Variants in STXBP6 observed in about 807,000 individuals in gnomAD.
The protein encoded by STXBP6 is syntaxin binding protein 6.
In STXBP6, 21 loss-of-function variants were observed where a neutral mutation model predicts 26.9. The observed-to-expected ratio is 0.78, with a 90% CI of 0.55 to 1.12. The LOEUF is 1.12. Ranked by LOEUF, STXBP6 falls within the 50% of genes most tolerant of loss-of-function variation. The pLI is 0.00. For synonymous variants in STXBP6, 97 were observed against 92.6 expected, an observed-to-expected ratio of 1.05 and a Z score of -0.27; for missense variants, 232 against 257.9, an observed-to-expected ratio of 0.90 and a Z score of 0.69.
intron 2 of STXBP6, among the ~76,000 whole-genome samples, chr14:24,870,445 TGTAATCAAGG>T (rs1237252949): frequency 6.6e-6 from 1 of 152,232 alleles, no homozygotes; most frequent in Non-Finnish European, 1.5e-5. Flanking sequence ...CTTCTGCCTA[TGTAATCAAGG>T]TAATACAGAG....
At chr14:24,833,718 G>T (rs1337419475) in intron 4 of STXBP6, among the ~76,000 whole-genome samples, 1 of 152,024 alleles carries the variant, frequency 6.6e-6, no homozygotes, top group Non-Finnish European at 1.5e-5. Flanking sequence ...AATTTGGGAG[G>T]ATTTAAAACA....
At chr14:25,003,736 C>T (rs1176533717) in intron 1 of STXBP6, among the ~76,000 whole-genome samples, 1 of 151,692 alleles carries the variant, frequency 6.6e-6, no homozygotes, top group Non-Finnish European at 1.5e-5. Context: ...CATCACTTTC[C>T]CTTCTTAAAT....
chr14:24,860,143 CT>C (rs1351134650), intron 2 of STXBP6, among the ~76,000 whole-genome samples: 1 of 152,144 alleles, frequency 6.6e-6, no homozygotes, highest in Non-Finnish European at 1.5e-5. Context: ...CTAAAGAGCT[CT>C]TTTTAAAAAT....
chr14:25,014,578 C>T (rs1225866005), intron 1 of STXBP6, among the ~76,000 whole-genome samples: 1 of 152,256 alleles, frequency 6.6e-6, no homozygotes, highest in African/African-American at 2.4e-5. Flanking sequence ...GCCTTGCACA[C>T]TCAGCTACCG....
At chr14:24,835,099 G>C (rs546277878) in intron 4 of STXBP6, among the ~76,000 whole-genome samples, 1 of 152,094 alleles carries the variant, frequency 6.6e-6, no homozygotes, top group Non-Finnish European at 1.5e-5. Context: ...GCTACTTCTG[G>C]GCTGAGGTAA....
chr14:24,927,589 A>G (rs79418030), intron 2 of STXBP6, among the ~76,000 whole-genome samples: 2 of 152,218 alleles, frequency 1.3e-5, no homozygotes, highest in Non-Finnish European at 2.9e-5. Context: ...ACATCTTCAA[A>G]GAACAGTTTA....
chr14:24,985,969 G>T (rs956504496), intron 1 of STXBP6, among the ~76,000 whole-genome samples: 2 of 152,152 alleles, frequency 1.3e-5, no homozygotes, highest in East Asian at 3.8e-4. Flanking sequence ...GCTAAATATT[G>T]CTCTCGACTT....
chr14:24,872,578 A>C (rs377272083), intron 2 of STXBP6, among the ~76,000 whole-genome samples: 18 of 152,204 alleles, frequency 1.2e-4, no homozygotes, highest in Admixed American at 7.2e-4. Flanking sequence ...AGGCCACTTT[A>C]GGGTTTGATG....
At chr14:25,002,034 A>G (rs1006817683) in intron 1 of STXBP6, among the ~76,000 whole-genome samples, 5 of 152,210 alleles carry the variant, frequency 3.3e-5, no homozygotes, top group Admixed American at 6.5e-5. Flanking sequence ...CACTTAAGCC[A>G]CTATGAAATA....
At chr14:24,913,009 C>A (rs1276444976) in intron 2 of STXBP6, among the ~76,000 whole-genome samples, 1 of 152,134 alleles carries the variant, frequency 6.6e-6, no homozygotes, top group Non-Finnish European at 1.5e-5. Context: ...TCTTTGCAAT[C>A]CTGAGTTATG....
chr14:24,886,822 T>C (rs2070606019), intron 2 of STXBP6, among the ~76,000 whole-genome samples: 1 of 152,214 alleles, frequency 6.6e-6, no homozygotes, highest in Admixed American at 6.5e-5. Flanking sequence ...AACTAATAAG[T>C]AGATAAATCC....
intron 2 of STXBP6, among the ~76,000 whole-genome samples, chr14:24,905,308 A>T (rs893891703): frequency 6.6e-6 from 1 of 152,220 alleles, no homozygotes; most frequent in Non-Finnish European, 1.5e-5. Flanking sequence ...GTACATCATC[A>T]AAACTTCAGT....
At position 24,908,704 on chromosome 14, in the gene STXBP6, T is replaced by G. The variant is rs908842909; in HGVS notation, c.155-51547A>C. ...ACTGAGACCAAAACAGAACCGAAAC[T>G]TGTCCCAATTTCCTCATAAGGCTTG... is the stretch of plus-strand genomic sequence containing the variant. On this transcript the variant is annotated intron_variant, in intron 2 of 5. Coordinates refer to ENST00000323944, the MANE Select transcript of STXBP6 (RefSeq NM_001394410.1). Among the ~76,000 whole-genome samples, 13 of 152,176 alleles carry G rather than the reference T, an allele frequency of 8.5e-5. No individual in the cohort carries two copies. The East Asian group carries it at 2.5e-3, about 29-fold the overall frequency.
At chr14:25,042,406 G>A (rs1259118716) in intron 1 of STXBP6, among the ~76,000 whole-genome samples, 4 of 152,218 alleles carry the variant, frequency 2.6e-5, no homozygotes, top group African/African-American at 4.8e-5. Context: ...GAGAATCCCA[G>A]TCATGTATTT....
intron 2 of STXBP6, among the ~76,000 whole-genome samples, chr14:24,970,791 T>C (rs751788852): frequency 5.9e-5 from 9 of 152,222 alleles, no homozygotes; most frequent in Admixed American, 2.6e-4. Context: ...AGTTGTTTAC[T>C]AAAGCAGTCA....
chr14:25,049,808 GCGGC>G lies in STXBP6; in HGVS notation c.-33+66_-33+69del. 7 of 985,882 alleles carry G rather than the reference GCGGC, an allele frequency of 7.1e-6. No homozygotes were observed. Among genetic ancestry groups the G allele is most frequent in the Non-Finnish European group, 8.4e-6 (7 of 830,358 alleles). 61.1% of individuals were successfully genotyped at this position (985,882 alleles called of 1,614,324 possible). A position where few individuals can be genotyped will look rare whatever the true frequency, so the allele number is the denominator to read the frequency against. The stretch of plus-strand genomic sequence containing the variant: ...AGCGCCAGGCGCCCCAACAGCCGTG[GCGGC>G]TGCAACCGCATCTCCCGGGCTTGGC... On this transcript the variant is annotated intron_variant, in intron 1 of 5. Transcript: ENST00000323944. The surrounding 1 kb of genome is among the most constrained non-coding windows in gnomAD (Gnocchi z 5.6).
At chr14:24,822,680 C>A (rs549539842) in intron 4 of STXBP6, among the ~76,000 whole-genome samples, 9 of 152,172 alleles carry the variant, frequency 5.9e-5, no homozygotes, top group African/African-American at 1.2e-4. Flanking sequence ...CCTCCACCCC[C>A]CTTAAGACTA....
intron 2 of STXBP6, among the ~76,000 whole-genome samples, chr14:24,865,932 T>C (rs1244601568): frequency 6.6e-6 from 1 of 152,096 alleles, no homozygotes; most frequent in Non-Finnish European, 1.5e-5. Context: ...GCTAAAGATA[T>C]ATGCTATAAA....
intron 2 of STXBP6, among the ~76,000 whole-genome samples, chr14:24,902,689 G>A (rs2071255658): frequency 6.6e-6 from 1 of 152,138 alleles, no homozygotes; most frequent in Non-Finnish European, 1.5e-5. Context: ...CTTGGTTGTA[G>A]TCAATTAGGC....
Sources: allele counts gnomAD v4.1 joint callset (sites outside exome capture counted in the v4.1 genomes callset), GRCh38; gene constraint gnomAD v4.1.1; non-coding constraint Gnocchi (gnomAD v3.1); transcripts MANE v1.5; gene names NCBI Gene and HGNC (gene_info 2026-07-23, HGNC 2026-07-21).